The following KHDRBS2 variants were observed in gnomAD, a reference collection of about 807,000 sequenced individuals.
KHDRBS2 encodes KH domain-containing, RNA-binding, signal transduction-associated protein 2.
A neutral mutation model predicts 44.3 loss-of-function variants in KHDRBS2; 26 were observed. The ratio of observed to expected loss-of-function variants is 0.59; its 90% CI spans 0.43 to 0.81. The LOEUF (loss-of-function observed/expected upper bound fraction) is 0.81. Among genes scored for constraint, KHDRBS2 ranks in the 40% least tolerant of loss-of-function variants. KHDRBS2 has a pLI of 0.00. For synonymous variants in KHDRBS2, 194 were observed against 151.1 expected (o/e 1.28, Z -2.08); for missense variants, 476 against 433.1 (o/e 1.10, Z -0.88).
chr6:61,602,592 C>A, the KHDRBS2 span, among the ~76,000 whole-genome samples: 2 of 152,142 alleles, frequency 1.3e-5, no homozygotes, highest in Middle Eastern at 3.2e-3. Context: ...TGCCCGATCG[C>A]CTCAGAAGCC....
chr6:62,169,134 C>CAT (rs1449026540), intron 2 of KHDRBS2, among the ~76,000 whole-genome samples: 11 of 117,452 alleles, frequency 9.4e-5, no homozygotes, highest in Non-Finnish European at 1.6e-4. Context: ...TATACATATA[C>CAT]ACACATATAT....
the KHDRBS2 span, among the ~76,000 whole-genome samples, chr6:61,623,164 T>C: frequency 6.6e-6 from 1 of 152,120 alleles, no homozygotes; most frequent in African/African-American, 2.4e-5. Context: ...GCAGTTGCCC[T>C]TATTAAAAGT....
chr6:61,975,375 T>G, intron 4 of KHDRBS2, among the ~76,000 whole-genome samples: 1 of 152,162 alleles, frequency 6.6e-6, no homozygotes, highest in East Asian at 1.9e-4. Flanking sequence ...TTGCAAATGT[T>G]AATGTATAGA....
chr6:61,602,392 C>T, the KHDRBS2 span, among the ~76,000 whole-genome samples: 3 of 152,134 alleles, frequency 2.0e-5, no homozygotes, highest in African/African-American at 2.4e-5. Context: ...AGAAATCTGG[C>T]TGCTGGGCCA....
At chr6:61,863,464 A>G (rs580359) in intron 6 of KHDRBS2, among the ~76,000 whole-genome samples, 87,330 of 151,826 alleles carry the variant, frequency 0.58, 25,280 homozygotes, top group South Asian at 0.68. Context: ...CTTTTGCTGT[A>G]TCCGAGAGAA....
At chr6:61,700,300 C>T (rs1219501827) in intron 7 of KHDRBS2, among the ~76,000 whole-genome samples, 1 of 150,492 alleles carries the variant, frequency 6.6e-6, no homozygotes, top group Non-Finnish European at 1.5e-5. Context: ...AGATAAGAGA[C>T]AGAAAAAGAA....
chr6:61,686,765 T>G (rs999663551), intron 8 of KHDRBS2, among the ~76,000 whole-genome samples: 1 of 151,556 alleles, frequency 6.6e-6, no homozygotes, highest in African/African-American at 2.4e-5. Context: ...CACTATCTAT[T>G]CACCAACCCT....
the KHDRBS2 span, among the ~76,000 whole-genome samples, chr6:61,585,001 A>G: frequency 6.6e-6 from 1 of 151,914 alleles, no homozygotes; most frequent in African/African-American, 2.4e-5. Context: ...CAAAATTGTA[A>G]ATTTTCTTTG....
chr6:61,938,717 A>C (rs1811511379), intron 4 of KHDRBS2, among the ~76,000 whole-genome samples: 1 of 152,144 alleles, frequency 6.6e-6, no homozygotes, highest in Non-Finnish European at 1.5e-5. Context: ...AGTTTAATGT[A>C]TTTACATCTC....
intron 2 of KHDRBS2, among the ~76,000 whole-genome samples, chr6:62,090,479 C>T (rs1287901289): frequency 1.3e-5 from 2 of 151,958 alleles, no homozygotes; most frequent in Non-Finnish European, 2.9e-5. Context: ...GTGCACAAAT[C>T]GTATAAGAGC....
At chr6:62,065,382 C>G (rs566595583) in intron 2 of KHDRBS2, among the ~76,000 whole-genome samples, 4,310 of 151,404 alleles carry the variant, frequency 0.028, 207 homozygotes, top group African/African-American at 0.098. Context: ...TGGAACCAAC[C>G]CAAATGTCCA....
At chr6:62,065,880 A>G (rs1415299510) in intron 2 of KHDRBS2, among the ~76,000 whole-genome samples, 1 of 151,860 alleles carries the variant, frequency 6.6e-6, no homozygotes, top group Admixed American at 6.6e-5. Context: ...ATGTCAACAC[A>G]TACACAATTC....
At chr6:61,688,239 CAAAG>C (rs1363142889) in intron 8 of KHDRBS2, among the ~76,000 whole-genome samples, 3 of 151,442 alleles carry the variant, frequency 2.0e-5, no homozygotes, top group African/African-American at 4.9e-5. Context: ...AAAAAGGAGA[CAAAG>C]AAGCTAGCTA....
At chr6:62,084,260 T>A (rs1797988461) in intron 2 of KHDRBS2, among the ~76,000 whole-genome samples, 1 of 152,178 alleles carries the variant, frequency 6.6e-6, no homozygotes, top group African/African-American at 2.4e-5. Flanking sequence ...TCCGTCTTCA[T>A]CTTCATGGAC....
chr6:62,119,072 G>T (rs541777294), intron 2 of KHDRBS2, among the ~76,000 whole-genome samples: 4 of 152,298 alleles, frequency 2.6e-5, no homozygotes, highest in African/African-American at 9.6e-5. Flanking sequence ...TAGAGGAAGA[G>T]AATTCAAAGA....
intron 2 of KHDRBS2, among the ~76,000 whole-genome samples, chr6:62,052,493 T>C (rs556485719): frequency 6.6e-6 from 1 of 150,694 alleles, no homozygotes; most frequent in Admixed American, 6.7e-5. Flanking sequence ...GAGGATAAAA[T>C]GTAGGAGATA....
Position 61,878,598 on chromosome 6 carries a change from T to C in KHDRBS2, c.810+16037A>G, listed in dbSNP as rs140624046. Among the ~76,000 whole-genome samples the C allele has an allele frequency of 1.5e-3, 227 of 152,184 alleles. 3 individuals carry two copies. The East Asian group carries it at 0.039, about 26-fold the overall frequency. ...TGCCCAGATGATATTGGTTGAATTA[T>C]TCAATTTCTCTGGACGTAAGCTTTC... On this transcript the variant is annotated intron_variant, in intron 6 of 8. Coordinates refer to ENST00000281156, the MANE Select transcript of KHDRBS2 (RefSeq NM_152688.4).
At chr6:61,847,596 AC>A (rs1794600429) in intron 6 of KHDRBS2, among the ~76,000 whole-genome samples, 1 of 152,094 alleles carries the variant, frequency 6.6e-6, no homozygotes, top group Non-Finnish European at 1.5e-5. Context: ...GAAAACATGT[AC>A]GTAACAGGAT....
the KHDRBS2 span, among the ~76,000 whole-genome samples, chr6:61,578,130 A>C: frequency 6.6e-6 from 1 of 152,122 alleles, no homozygotes; most frequent in South Asian, 2.1e-4. Flanking sequence ...TAAAACACTC[A>C]GAGCAAGAGA....
Sources: gnomAD v4.1 joint callset for allele counts (sites outside exome capture counted in the v4.1 genomes callset) on GRCh38, gnomAD v4.1.1 for gene constraint, MANE v1.5 for transcripts, NCBI Gene and HGNC (gene_info 2026-07-23, HGNC 2026-07-21) for gene names.